Variants in PIP5K1C observed in about 807,000 individuals in gnomAD.
PIP5K1C encodes phosphatidylinositol 4-phosphate 5-kinase type-1 gamma.
A neutral mutation model predicts 80.1 loss-of-function variants in PIP5K1C; 45 were observed. The ratio of observed to expected loss-of-function variants is 0.56; its 90% CI spans 0.44 to 0.72. The LOEUF is 0.72. Among genes scored for constraint, PIP5K1C ranks in the 30% least tolerant of loss-of-function variants. The pLI, the probability that PIP5K1C is intolerant of heterozygous loss-of-function variation, is 0.00. For synonymous variants in PIP5K1C, 498 were observed against 420.1 expected (o/e 1.19, Z -2.27); for missense variants, 753 against 954.6 (o/e 0.79, Z 2.78).
chr19:3,644,852 ACCTCTGC>A (rs2034146300), intron 11 of PIP5K1C, among the ~76,000 whole-genome samples: 1 of 151,934 alleles, frequency 6.6e-6, no homozygotes, highest in South Asian at 2.1e-4. Context: ...AGCTCTTGTG[ACCTCTGC>A]CCCCAGAATG....
intron 4 of PIP5K1C, among the ~76,000 whole-genome samples, chr19:3,661,545 G>A (rs762744547): frequency 1.3e-5 from 2 of 152,226 alleles, no homozygotes; most frequent in East Asian, 1.9e-4. Context: ...TGAGGATGGC[G>A]GTGTGGGGTG....
chr19:3,654,707 G>A (rs1211127039), intron 6 of PIP5K1C, among the ~76,000 whole-genome samples: 2 of 151,940 alleles, frequency 1.3e-5, no homozygotes, highest in East Asian at 1.9e-4. Flanking sequence ...CCAGCTGCTT[G>A]GGAGGCTGAG....
rs80087163 is a variant in PIP5K1C at position 3,692,791 on chromosome 19, C to T, written c.94+7506G>A. ...GTCAAAGCCCAAGTCCTCCCTGCAGCCCACAAGGCCCTGCACACCCTGCCC... is the reference window on the plus strand; with the variant it reads ...GTCAAAGCCCAAGTCCTCCCTGCAGTCCACAAGGCCCTGCACACCCTGCCC... On this transcript the variant is annotated intron_variant, in intron 1 of 17. Transcript: ENST00000335312. This position sits in a 1 kb window ranked among gnomAD's most constrained non-coding sequence, Gnocchi z 5.2. Among the ~76,000 whole-genome samples the T allele has an allele frequency of 0.039, 5,945 of 152,168 alleles. 249 individuals are homozygous for T. The highest frequency in any genetic ancestry group is 0.11 in the African/African-American group (4,432 of 41,470).
At chr19:3,643,195 A>G in intron 13 of PIP5K1C, 48 bp downstream of exon 13, 1 of 1,608,334 alleles carries the variant, frequency 6.2e-7, no homozygotes, top group Non-Finnish European at 8.5e-7. Flanking sequence ...CCCCGCCCCC[A>G]CGCACAGCGG....
chr19:3,633,621 A>C, intron 16 of PIP5K1C, 101 bp from the exon 17 acceptor site: 1 of 781,932 alleles, frequency 1.3e-6, no homozygotes, highest in Non-Finnish European at 1.8e-6. Context: ...AACATAAAAG[A>C]GGCGAATCCC....
At chr19:3,671,635 G>C (rs1184845960) in intron 1 of PIP5K1C, among the ~76,000 whole-genome samples, 1 of 152,204 alleles carries the variant, frequency 6.6e-6, no homozygotes, top group East Asian at 1.9e-4. Flanking sequence ...CAGGGAAAAT[G>C]TGGGGCTCCC....
At chr19:3,694,896 T>C (rs1360204052) in intron 1 of PIP5K1C, among the ~76,000 whole-genome samples, 1 of 152,114 alleles carries the variant, frequency 6.6e-6, no homozygotes, top group Non-Finnish European at 1.5e-5. Flanking sequence ...TGGGCAAACA[T>C]CTTCCGTAAA....
chr19:3,650,904 G>A (rs1181200378), intron 8 of PIP5K1C, among the ~76,000 whole-genome samples: 1 of 151,986 alleles, frequency 6.6e-6, no homozygotes, highest in Non-Finnish European at 1.5e-5. Flanking sequence ...TTACAGGCGT[G>A]CACCACCACG....
intron 6 of PIP5K1C, among the ~76,000 whole-genome samples, chr19:3,656,026 G>C (rs1268014561): frequency 6.6e-6 from 1 of 152,228 alleles, no homozygotes; most frequent in African/African-American, 2.4e-5. Flanking sequence ...GGAACCCTCT[G>C]AGTCACCCTT....
rs546676086 is a variant in PIP5K1C at position 3,637,268 on chromosome 19, TG to T, written c.1920+1615del. The T allele has an allele frequency of 5.8e-4, 854 of 1,471,588 alleles. 4 individuals are homozygous for T. The highest frequency in any genetic ancestry group is 4.5e-3 in the South Asian group (332 of 73,076). The allele number at this position is 1,471,588 out of a possible 1,614,324, so 91.2% of individuals were successfully genotyped here. A position where few individuals can be genotyped will look rare whatever the true frequency, so the allele number is the denominator to read the frequency against. ...TCTGGCCGGGGTCCGAAGCAGACCC[TG>T]GGCCTCAGCTGTGCACCTGGTGATG... On this transcript the variant is annotated intron_variant, in intron 16 of 17. Transcript: ENST00000335312. The surrounding 1 kb of genome is among the most constrained non-coding windows in gnomAD (Gnocchi z 7.0).
chr19:3,660,067 G>A (rs558843100), intron 5 of PIP5K1C, among the ~76,000 whole-genome samples: 1 of 152,162 alleles, frequency 6.6e-6, no homozygotes, highest in African/African-American at 2.4e-5. Context: ...GTTGGATGCC[G>A]GGGCTCACGC....
chr19:3,682,296 C>T (rs903206727), intron 1 of PIP5K1C, among the ~76,000 whole-genome samples: 2 of 151,512 alleles, frequency 1.3e-5, no homozygotes, highest in African/African-American at 4.9e-5. Context: ...ATCGCTCAAA[C>T]CCAGGAGGCA....
chr19:3,649,957 C>A (rs2034372977), intron 8 of PIP5K1C: 2 of 239,808 alleles, frequency 8.3e-6, no homozygotes, highest in Non-Finnish European at 1.7e-5. Flanking sequence ...GGGCTGGCGC[C>A]CTGCACGCTC....
At chr19:3,646,216 C>A (rs567147708) in intron 10 of PIP5K1C, among the ~76,000 whole-genome samples, 158 bp from the exon 11 acceptor site, 1 of 152,202 alleles carries the variant, frequency 6.6e-6, no homozygotes, top group East Asian at 1.9e-4. Flanking sequence ...GAGGGGCTCA[C>A]GGAACAGGGA....
rs533340640 is a variant in PIP5K1C, at chr19:3,662,487, A to G, written c.220-486T>C. ...AACCCACATGGCCGCTATGTGCCTC[A>G]GTTTCCCTGCCTGTAGACAGGGATG... is the stretch of plus-strand genomic sequence containing the variant. On this transcript the variant is annotated intron_variant, in intron 3 of 17. Coordinates refer to ENST00000335312, the MANE Select transcript of PIP5K1C (RefSeq NM_012398.3). Among the ~76,000 whole-genome samples, 16 of 152,324 alleles carry G rather than the reference A, an allele frequency of 1.1e-4. No homozygotes were observed. In the East Asian group the frequency reaches 2.9e-3, roughly 27 times the overall value.
At chr19:3,669,218 C>T (rs1468482660) in intron 1 of PIP5K1C, among the ~76,000 whole-genome samples, 3 of 152,178 alleles carry the variant, frequency 2.0e-5, no homozygotes, top group African/African-American at 4.8e-5. Context: ...GACACTCAGG[C>T]TGCGCCGGAG....
chr19:3,686,158 G>T (rs555946605), intron 1 of PIP5K1C, among the ~76,000 whole-genome samples: 8 of 152,260 alleles, frequency 5.3e-5, no homozygotes, highest in African/African-American at 1.9e-4. Context: ...TAGACTAAAA[G>T]CTAAAAAATT....
At chr19:3,649,977 C>A in intron 8 of PIP5K1C, 2 of 213,146 alleles carry the variant, frequency 9.4e-6, no homozygotes, top group Non-Finnish European at 1.9e-5. Context: ...CTGCTCACGC[C>A]ACAGGCTGGT....
intron 14 of PIP5K1C, 132 bp downstream of exon 14, chr19:3,642,775 G>T: frequency 1.3e-6 from 1 of 785,132 alleles, no homozygotes; most frequent in Non-Finnish European, 2.3e-6. Flanking sequence ...CTAGGGCCGA[G>T]TGCTACAATC....
Sources: allele counts gnomAD v4.1 joint callset (sites outside exome capture counted in the v4.1 genomes callset), GRCh38; gene constraint gnomAD v4.1.1; non-coding constraint Gnocchi (gnomAD v3.1); transcripts MANE v1.5; gene names NCBI Gene and HGNC (gene_info 2026-07-23, HGNC 2026-07-21).